Variants in SCN8A observed in about 807,000 individuals in gnomAD.
The protein encoded by SCN8A is sodium channel protein type 8 subunit alpha.
In SCN8A, 30 loss-of-function variants were observed where a neutral mutation model predicts 184.1. The ratio of observed to expected loss-of-function variants is 0.16; its 90% CI spans 0.12 to 0.22. SCN8A has a LOEUF of 0.22. Among genes scored for constraint, SCN8A ranks in the 10% least tolerant of loss-of-function variants. The probability of loss-of-function intolerance (pLI) is 1.00; values close to 1 mark genes in which losing one functional copy is unlikely to be tolerated. For synonymous variants in SCN8A, 852 were observed against 907.0 expected (o/e 0.94, Z 1.09); for missense variants, 1,057 against 2,498.9 (o/e 0.42, Z 12.30).
At chr12:51,781,854 A>G (rs1937933586) in intron 21 of SCN8A, among the ~76,000 whole-genome samples, 1 of 152,210 alleles carries the variant, frequency 6.6e-6, no homozygotes, top group Admixed American at 6.5e-5. Flanking sequence ...TGCAAACGTC[A>G]GAATGTAAGA....
intron 6 of SCN8A, among the ~76,000 whole-genome samples, chr12:51,698,738 C>T (rs1335221478): frequency 1.3e-5 from 2 of 152,104 alleles, no homozygotes; most frequent in Non-Finnish European, 2.9e-5. Context: ...TTGTAGAAAG[C>T]AGGGAATGTA....
chr12:51,690,798 C>T (rs915408556), intron 6 of SCN8A, among the ~76,000 whole-genome samples: 1 of 152,178 alleles, frequency 6.6e-6, no homozygotes, highest in African/African-American at 2.4e-5. Context: ...TCATCTTCAC[C>T]ACTTACAAAT....
rs1307908845 is a variant in SCN8A at position 51,713,976 on chromosome 12, G to GT, written c.1635+7272dup. Among the ~76,000 whole-genome samples the GT allele has an allele frequency of 2.8e-3, 403 of 143,554 alleles. 2 individuals are homozygous for GT. Among genetic ancestry groups the GT allele is most frequent in the Middle Eastern group, 0.026 (7 of 274 alleles). 94.2% of individuals were successfully genotyped at this position (143,554 alleles called of 152,430 possible). On this transcript the variant is annotated intron_variant, in intron 11 of 26. Transcript: ENST00000627620. ...CTGTTTTCCAAAACCAAAAAAAAGGGTTTTTTTTTTTGTATTACATTTCTG... is the reference window on the plus strand; with the variant it reads ...CTGTTTTCCAAAACCAAAAAAAAGGGTTTTTTTTTTTTGTATTACATTTCTG...
At chr12:51,731,308 G>A (rs1942238324) in intron 12 of SCN8A, among the ~76,000 whole-genome samples, 1 of 151,798 alleles carries the variant, frequency 6.6e-6, no homozygotes, top group Non-Finnish European at 1.5e-5. Flanking sequence ...CACAATCTCG[G>A]CTCACTGCAC....
chr12:51,594,593 T>C (rs1939303076), intron 1 of SCN8A, among the ~76,000 whole-genome samples: 1 of 152,238 alleles, frequency 6.6e-6, no homozygotes, highest in African/African-American at 2.4e-5. Flanking sequence ...AAAGCTATAC[T>C]ATATAGAAAG....
At chr12:51,735,913 G>A (rs2138809492) in intron 12 of SCN8A, among the ~76,000 whole-genome samples, 1 of 152,234 alleles carries the variant, frequency 6.6e-6, no homozygotes, top group East Asian at 1.9e-4. Flanking sequence ...TTTGTTATTG[G>A]CTCTGTCCAC....
intron 12 of SCN8A, among the ~76,000 whole-genome samples, chr12:51,744,942 T>G (rs1183775771): frequency 6.6e-6 from 1 of 152,172 alleles, no homozygotes; most frequent in Non-Finnish European, 1.5e-5. Context: ...GGCTGCTGAT[T>G]GTCTCTGTCC....
At chr12:51,794,738 G>A (rs1010393871) in intron 26 of SCN8A, 97 bp downstream of exon 26, 55 of 1,211,368 alleles carry the variant, frequency 4.5e-5, no homozygotes, top group Non-Finnish European at 6.0e-5. Context: ...CAGGTCTGAA[G>A]TGCAGGCAAG....
chr12:51,728,746 AAAAAAAAT>A (rs1269520808), intron 12 of SCN8A, among the ~76,000 whole-genome samples: 12 of 85,670 alleles, frequency 1.4e-4, no homozygotes, highest in African/African-American at 2.0e-4. Flanking sequence ...AAAAAAAAAA[AAAAAAAAT>A]TCCCAAATGG....
At chr12:51,597,498 C>T (rs1236043915) in intron 1 of SCN8A, among the ~76,000 whole-genome samples, 1 of 152,114 alleles carries the variant, frequency 6.6e-6, no homozygotes, top group Non-Finnish European at 1.5e-5. Flanking sequence ...TTATTTTTCT[C>T]CTTTTTCCTC....
At chr12:51,704,304 T>C (rs576680093) in intron 9 of SCN8A, among the ~76,000 whole-genome samples, 75 of 152,160 alleles carry the variant, frequency 4.9e-4, no homozygotes, top group Admixed American at 7.9e-4. Flanking sequence ...CCCACTATCC[T>C]TTATGTCATA....
intron 1 of SCN8A, among the ~76,000 whole-genome samples, chr12:51,643,058 C>T (rs1940490420): frequency 1.3e-5 from 2 of 152,134 alleles, no homozygotes; most frequent in African/African-American, 4.8e-5. Flanking sequence ...TATTGTTTAA[C>T]CCAGTTTCAC....
chr12:51,774,100 A>G, intron 19 of SCN8A, 89 bp from the exon 20 acceptor site: 17 of 1,198,652 alleles, frequency 1.4e-5, no homozygotes, highest in Non-Finnish European at 1.7e-5. Flanking sequence ...AGGCCAGCCC[A>G]TGTGGGACGG....
chr12:51,684,069 T>C (rs761234227), intron 2 of SCN8A, 105 bp from the exon 3 acceptor site: 117 of 722,850 alleles, frequency 1.6e-4, no homozygotes, highest in Non-Finnish European at 2.7e-4. Context: ...AAGTAAAAAG[T>C]ATTAAAGACT....
intron 26 of SCN8A, among the ~76,000 whole-genome samples, chr12:51,800,674 C>A (rs531767384): frequency 9.2e-5 from 14 of 152,300 alleles, no homozygotes; most frequent in African/African-American, 2.6e-4. Flanking sequence ...GTAAGTCAGA[C>A]CTGAGCTGAA....
chr12:51,735,360 C>T (rs1032488949), intron 12 of SCN8A, among the ~76,000 whole-genome samples: 7 of 152,290 alleles, frequency 4.6e-5, no homozygotes, highest in Middle Eastern at 3.4e-3. Context: ...AGCAATCTTC[C>T]TAAACAAGTA....
At chr12:51,794,938 A>G (rs949480875) in intron 26 of SCN8A, among the ~76,000 whole-genome samples, 3 of 152,310 alleles carry the variant, frequency 2.0e-5, no homozygotes, top group Non-Finnish European at 2.9e-5. Context: ...CTAACAGGGA[A>G]GGTAAAAGAA....
intron 1 of SCN8A, among the ~76,000 whole-genome samples, chr12:51,606,630 G>A (rs1939599290): frequency 6.6e-6 from 1 of 151,982 alleles, no homozygotes; most frequent in Non-Finnish European, 1.5e-5. Context: ...GAAGAGTGAT[G>A]GTGGCATTTT....
intron 12 of SCN8A, among the ~76,000 whole-genome samples, chr12:51,745,092 G>T (rs554279213): frequency 2.0e-5 from 3 of 152,134 alleles, no homozygotes; most frequent in East Asian, 3.9e-4. Flanking sequence ...TCACAAGAAC[G>T]TAAGTCAGGG....
Sources: allele counts gnomAD v4.1 joint callset (sites outside exome capture counted in the v4.1 genomes callset), GRCh38; gene constraint gnomAD v4.1.1; transcripts MANE v1.5; gene names NCBI Gene and HGNC (gene_info 2026-07-23, HGNC 2026-07-21).